Variants in CHKA observed in about 807,000 individuals in gnomAD.
CHKA encodes the protein choline kinase alpha.
CHKA carries 34 observed loss-of-function variants against 60.1 expected under a neutral mutation model. The ratio of observed to expected loss-of-function variants is 0.57; its 90% CI spans 0.43 to 0.75. The LOEUF (loss-of-function observed/expected upper bound fraction) is 0.75. Ranked by LOEUF, CHKA falls within the 30% of genes least tolerant of loss-of-function variation. CHKA has a pLI of 0.00. For missense variants in CHKA, 563 were observed against 561.3 expected (o/e 1.00, Z -0.03); for synonymous variants, 217 against 223.1 (o/e 0.97, Z 0.24).
intron 11 of CHKA, among the ~76,000 whole-genome samples, chr11:68,056,504 C>T (rs1240305108): frequency 6.6e-6 from 1 of 152,206 alleles, no homozygotes; most frequent in Non-Finnish European, 1.5e-5. Flanking sequence ...CATTTCAACA[C>T]GGTTGTCCAC....
chr11:68,059,393 C>G (rs183532546), intron 11 of CHKA, among the ~76,000 whole-genome samples: 1 of 152,118 alleles, frequency 6.6e-6, no homozygotes, highest in Non-Finnish European at 1.5e-5. Flanking sequence ...TATAAACCAG[C>G]CTTGCATTCC....
chr11:68,115,002 T>C (rs569260410), intron 1 of CHKA, among the ~76,000 whole-genome samples: 1 of 152,308 alleles, frequency 6.6e-6, no homozygotes, highest in Admixed American at 6.5e-5. Flanking sequence ...GACTATACAA[T>C]GGTACAAAGG....
intron 1 of CHKA, among the ~76,000 whole-genome samples, chr11:68,116,903 G>C (rs1167625675): frequency 6.6e-6 from 1 of 152,110 alleles, no homozygotes; most frequent in African/African-American, 2.4e-5. Flanking sequence ...TAGTTGAAGA[G>C]ACTCAGACAA....
At chr11:68,100,512 C>T (rs1326312658) in intron 1 of CHKA, among the ~76,000 whole-genome samples, 29 of 151,900 alleles carry the variant, frequency 1.9e-4, no homozygotes, top group Admixed American at 1.8e-3. Flanking sequence ...ACTACTTGAA[C>T]CCGAGAGGCA....
chr11:68,084,220 C>A (rs1234607036), intron 2 of CHKA, among the ~76,000 whole-genome samples: 1 of 146,038 alleles, frequency 6.8e-6, no homozygotes, highest in African/African-American at 2.5e-5. Flanking sequence ...GCACTCCAGC[C>A]TGGGTGACAA....
At position 68,096,941 on chromosome 11, in the gene CHKA, T is replaced by G. The variant is rs1377722298; in HGVS notation, c.462+78A>C. On this transcript the variant is annotated intron_variant, in intron 2 of 11. Coordinates refer to ENST00000265689, the MANE Select transcript of CHKA (RefSeq NM_001277.3). ...TAACACCATTAAAGTATTTAAAATC[T>G]CTTTCCAAGGTATCTCAGCAAAGAG... is the stretch of plus-strand genomic sequence containing the variant. 7 of 972,324 alleles carry G rather than the reference T, an allele frequency of 7.2e-6. No homozygotes were observed. The Admixed American group carries it at 1.7e-4, about 24-fold the overall frequency. The allele number at this position is 972,324 out of a possible 1,614,324, so 60.2% of individuals were successfully genotyped here.
chr11:68,086,604 G>C (rs1486489209), intron 2 of CHKA, among the ~76,000 whole-genome samples: 1 of 152,228 alleles, frequency 6.6e-6, no homozygotes, highest in Non-Finnish European at 1.5e-5. Context: ...AAACAAAGCA[G>C]CACCTCAGTT....
At chr11:68,070,145 G>A in intron 6 of CHKA, 44 bp downstream of exon 6, 5 of 1,374,936 alleles carry the variant, frequency 3.6e-6, no homozygotes, top group Non-Finnish European at 5.2e-6. Context: ...AACAGTTTTA[G>A]TGACTAAGAA....
rs781115042 is a variant in CHKA at position 68,097,003 on chromosome 11, T to C, written c.462+16A>G. 1 of 1,585,400 alleles carries C rather than the reference T, an allele frequency of 6.3e-7. No individual in the cohort carries two copies. On this transcript the variant is annotated intron_variant, in intron 2 of 11. Transcript: ENST00000265689. ...TTAACAGGATCCCCCCCTCCCAAAG[T>C]AGCCTACCAACTCACCATCTGCAAA... is the stretch of plus-strand genomic sequence containing the variant.
rs533863974 is a variant in CHKA at position 68,110,984 on chromosome 11, T to A, written c.350+9844A>T. ...CTGCACTCCAGCCTGGGCAACAGAA[T>A]GAGACTCCATCTCAAAAAAAAAAAA... is the stretch of plus-strand genomic sequence containing the variant. On this transcript the variant is annotated intron_variant, in intron 1 of 11. Transcript: ENST00000265689. Among the ~76,000 whole-genome samples the A allele has an allele frequency of 6.7e-5, 9 of 135,286 alleles. No homozygotes were observed. In the East Asian group the frequency reaches 1.8e-3, roughly 27 times the overall value. 88.8% of individuals were successfully genotyped at this position (135,286 alleles called of 152,430 possible).
intron 9 of CHKA, among the ~76,000 whole-genome samples, chr11:68,065,568 G>C (rs1412494500): frequency 1.3e-5 from 2 of 152,092 alleles, no homozygotes; most frequent in Non-Finnish European, 2.9e-5. Context: ...GGGCGTGGTG[G>C]CATGCGTCTG....
Position 68,119,319 on chromosome 11 carries a change from G to A in CHKA, c.350+1509C>T, listed in dbSNP as rs536532089. 2.5e-3 allele frequency among the ~76,000 whole-genome samples: 388 copies of A among 152,272 alleles called. 1 individual carries two copies. The highest frequency in any genetic ancestry group is 4.2e-3 in the Non-Finnish European group (286 of 68,022). Reference sequence around the variant, plus strand: ...AAAGAGTTAATTTTGCTGCATTAGCGGCTCTGGTGAAAGACAGTGGGCACA... The same window carrying A: ...AAAGAGTTAATTTTGCTGCATTAGCAGCTCTGGTGAAAGACAGTGGGCACA... On this transcript the variant is annotated intron_variant, in intron 1 of 11. Transcript: ENST00000265689.
intron 2 of CHKA, among the ~76,000 whole-genome samples, chr11:68,093,758 C>T (rs994302203): frequency 1.3e-5 from 2 of 152,224 alleles, no homozygotes; most frequent in African/African-American, 2.4e-5. Context: ...CTGGCTTTTA[C>T]TAAGTGACTC....
intron 3 of CHKA, among the ~76,000 whole-genome samples, chr11:68,077,044 C>T (rs1020272148): frequency 3.3e-5 from 5 of 151,902 alleles, no homozygotes; most frequent in African/African-American, 4.8e-5. Context: ...TTGAGACCAG[C>T]GTGGCCAACA....
intron 1 of CHKA, among the ~76,000 whole-genome samples, chr11:68,104,875 C>T (rs976863479): frequency 6.6e-6 from 1 of 151,416 alleles, no homozygotes; most frequent in Non-Finnish European, 1.5e-5. Context: ...GAGGCAAAGA[C>T]GGGCAGATCA....
At chr11:68,057,161 T>G (rs1249300618) in intron 11 of CHKA, among the ~76,000 whole-genome samples, 1 of 152,194 alleles carries the variant, frequency 6.6e-6, no homozygotes, top group East Asian at 1.9e-4. Context: ...ACGTGGTCAC[T>G]TTAGTCTTCT....
chr11:68,117,961 A>C (rs1408181792), intron 1 of CHKA, among the ~76,000 whole-genome samples: 1 of 152,216 alleles, frequency 6.6e-6, no homozygotes, highest in Non-Finnish European at 1.5e-5. Flanking sequence ...GGGGGAATGC[A>C]GAGTTAGAAA....
At chr11:68,107,321 CTTT>C (rs529972110) in intron 1 of CHKA, among the ~76,000 whole-genome samples, 1 of 152,056 alleles carries the variant, frequency 6.6e-6, no homozygotes, top group Non-Finnish European at 1.5e-5. Context: ...TATTCCTCTA[CTTT>C]TTTTATCATT....
At chr11:68,108,727 G>A (rs577358830) in intron 1 of CHKA, among the ~76,000 whole-genome samples, 1 of 152,224 alleles carries the variant, frequency 6.6e-6, no homozygotes, top group African/African-American at 2.4e-5. Flanking sequence ...CTGGGTGACC[G>A]CAAGGCTCTG....
Sources: allele counts gnomAD v4.1 joint callset (sites outside exome capture counted in the v4.1 genomes callset), GRCh38; gene constraint gnomAD v4.1.1; transcripts MANE v1.5; gene names NCBI Gene and HGNC (gene_info 2026-07-23, HGNC 2026-07-21).